Variants in ZNF439 observed in about 807,000 individuals in gnomAD.
The protein encoded by ZNF439 is zinc finger protein 439.
In ZNF439, 40 loss-of-function variants were observed where a neutral mutation model predicts 47.3. The observed-to-expected ratio is 0.85, with a 90% CI of 0.66 to 1.10. ZNF439 has a LOEUF of 1.10. Among genes scored for constraint, ZNF439 ranks in the 50% least tolerant of loss-of-function variants. ZNF439 has a pLI of 0.00. For missense variants in ZNF439, 556 were observed against 601.1 expected (o/e 0.93, Z 0.78); for synonymous variants, 171 against 198.8 (o/e 0.86, Z 1.18).
chr19:11,867,890 A>C lies in ZNF439; in HGVS notation c.836A>C (p.Glu279Ala), dbSNP rs188464095. The C allele has an allele frequency of 6.2e-6, 10 of 1,614,112 alleles. No homozygotes were observed. In the East Asian group the frequency reaches 2.2e-4, roughly 36 times the overall value. Residue 279 changes from glutamate to alanine, a missense_variant, in exon 4 of 4, where the codon GAA (glutamate) becomes GCA (alanine). Glu to Ala is a moderately radical substitution (Grantham distance 107). Coordinates refer to ENST00000682736, the MANE Select transcript of ZNF439 (RefSeq NM_001348719.2). ...GGAGAAAAGCCTTATGAATGTCAGG[A>C]ATGTGGGAAAGCATTCCATAGTCCC... Reference protein sequence around the residue: ...HIGEKPYECQECGKAFHSPRS... With the variant: ...HIGEKPYECQACGKAFHSPRS...
In ZNF439 at chr19:11,868,310, A is replaced by G. The variant is rs535025513; in HGVS notation, c.1256A>G (p.Gln419Arg). ...HTGEKPYECK[Q>R]CGKAFRSAPN... is the part of the protein sequence containing the mutation. ...GGAGAGAAACCCTATGAGTGTAAGC[A>G]ATGTGGGAAAGCCTTCAGATCTGCC... Residue 419 changes from glutamine to arginine, a missense_variant, in exon 4 of 4, where the codon CAA (glutamine) becomes CGA (arginine). Physicochemically the swap from Gln to Arg is conservative, Grantham distance 43. Transcript: ENST00000682736. 80 of 1,613,952 alleles carry G rather than the reference A, an allele frequency of 5.0e-5. 1 individual carries two copies. In the South Asian group the frequency reaches 8.3e-4, roughly 17 times the overall value.
Position 11,866,565 on chromosome 19 carries a change from A to C in ZNF439, c.219A>C (p.Glu73Asp), listed in dbSNP as rs1976689909. Reference protein sequence around the residue: ...IGKKWKDQNIEYEYQNPRRNF... With the variant: ...IGKKWKDQNIDYEYQNPRRNF... ...AAAAGTGGAAAGACCAGAACATTGA[A>C]TATGAGTACCAAAACCCCAGGAGAA... Residue 73 changes from glutamate (E) to aspartate (D), a missense_variant, in exon 3 of 4, where the codon GAA (glutamate) becomes GAC (aspartate). By Grantham distance (45) the Glu-to-Asp change is conservative. Coordinates refer to ENST00000682736, the MANE Select transcript of ZNF439 (RefSeq NM_001348719.2). The C allele has an allele frequency of 6.2e-7, 1 of 1,613,456 alleles. No homozygotes were observed. The highest frequency in any genetic ancestry group is 1.3e-5 in the African/African-American group (1 of 75,052).
chr19:11,860,597 G>A (rs117301293), intron 1 of ZNF439, among the ~76,000 whole-genome samples: 208 of 152,194 alleles, frequency 1.4e-3, no homozygotes, highest in Non-Finnish European at 2.5e-3. Flanking sequence ...AAAGGAGGAC[G>A]AACGCGGGAA....
At chr19:11,860,550 C>T (rs1171635735) in intron 1 of ZNF439, among the ~76,000 whole-genome samples, 3 of 152,144 alleles carry the variant, frequency 2.0e-5, no homozygotes, top group Non-Finnish European at 4.4e-5. Flanking sequence ...TCCCTGTTCA[C>T]GGCCGCCGCT....
chr19:11,852,117 C>T (rs1045967980), intron 1 of ZNF439, among the ~76,000 whole-genome samples: 1 of 152,098 alleles, frequency 6.6e-6, no homozygotes, highest in African/African-American at 2.4e-5. Flanking sequence ...GGAAGTTAGT[C>T]TACTACAGAG....
At position 11,868,696 on chromosome 19, in the gene ZNF439, C is replaced by A; in HGVS notation, c.*127C>A. ...AAGCCTTAATTGTTCCAGTTCCTTT[C>A]GATATCTAAAAGGACTCACAGTGGA... On this transcript the variant is annotated 3_prime_UTR_variant, in exon 4 of 4. Coordinates refer to ENST00000682736, the MANE Select transcript of ZNF439 (RefSeq NM_001348719.2). 1.9e-6 allele frequency: 2 copies of A among 1,059,640 alleles called. No individual in the cohort carries two copies. The highest frequency in any genetic ancestry group is 2.8e-6 in the Non-Finnish European group (2 of 713,472). The allele number at this position is 1,059,640 out of a possible 1,614,324, so 65.6% of individuals were successfully genotyped here.
intron 1 of ZNF439, among the ~76,000 whole-genome samples, chr19:11,860,392 G>T (rs1399865592): frequency 1.3e-5 from 2 of 151,942 alleles, no homozygotes; most frequent in East Asian, 3.9e-4. Flanking sequence ...ACCTTATATT[G>T]CTCCCAGTAC....
rs773144224 is a variant in ZNF439, at chr19:11,866,328, A to G, written c.187A>G (p.Ile63Val). The change falls in exon 2 of 4, where the codon ATA becomes GTA. Residue 63 changes from isoleucine (I) to valine (V), a missense_variant. By Grantham distance (29) the Ile-to-Val change is conservative (BLOSUM62 3). Coordinates refer to ENST00000682736, the MANE Select transcript of ZNF439 (RefSeq NM_001348719.2). ...GGAAACTTTCTGGAACCTGACCTCTATAGGTAAGGATGACAATATTCCTTC... is the reference window on the plus strand; with the variant it reads ...GGAAACTTTCTGGAACCTGACCTCTGTAGGTAAGGATGACAATATTCCTTC... ...MLETFWNLTS[I>V]GKKWKDQNIE... is the part of the protein sequence containing the mutation. The G allele has an allele frequency of 4.3e-6, 7 of 1,614,142 alleles. No homozygotes were observed. The highest frequency in any genetic ancestry group is 2.7e-5 in the African/African-American group (2 of 75,048).
chr19:11,860,490 G>A (rs1976509426), intron 1 of ZNF439, among the ~76,000 whole-genome samples: 1 of 152,136 alleles, frequency 6.6e-6, no homozygotes, highest in South Asian at 2.1e-4. Flanking sequence ...TTTGTGTGGT[G>A]AATTTCATTT....
intron 2 of ZNF439, 73 bp downstream of exon 2, chr19:11,866,404 G>T: frequency 6.2e-7 from 1 of 1,607,624 alleles, no homozygotes; most frequent in Non-Finnish European, 8.5e-7. Context: ...GCTGTTGAGT[G>T]ATTTGGAACA....
Position 11,868,215 on chromosome 19 carries a change from T to G in ZNF439, c.1161T>G (p.Tyr387Ter). 6.2e-7 allele frequency: 1 copy of G among 1,614,120 alleles called. No individual in the cohort carries two copies. Among genetic ancestry groups the G allele is most frequent in the Non-Finnish European group, 8.5e-7 (1 of 1,180,018 alleles). Residue 387 changes from tyrosine (Y) to a stop codon, truncating the protein, a stop_gained, in exon 4 of 4, where the codon TAT (tyrosine) becomes TAG (stop). Transcript: ENST00000682736. LOFTEE classifies it high-confidence loss of function. Reference protein sequence around the residue: ...HEKTHSGEKPYKCKQCGKAFT... With the variant: ...HEKTHSGEKP The stretch of plus-strand genomic sequence containing the variant: ...AAACTCACAGTGGAGAGAAACCGTA[T>G]AAATGCAAGCAATGTGGTAAAGCCT...
chr19:11,866,488 T>C, intron 2 of ZNF439, 49 bp from the exon 3 acceptor site: 1 of 1,606,240 alleles, frequency 6.2e-7, no homozygotes, highest in South Asian at 1.1e-5. Context: ...AATAATTTTT[T>C]CACAATTTTA....
intron 1 of ZNF439, among the ~76,000 whole-genome samples, chr19:11,853,577 G>C (rs1041238032): frequency 8.5e-5 from 13 of 152,224 alleles, no homozygotes; most frequent in African/African-American, 2.9e-4. Flanking sequence ...ATTGTCCTCA[G>C]TATACCTTCT....
rs373271904 is a variant in ZNF439, at chr19:11,867,400, A to T, written c.346A>T (p.Lys116Ter). ...PVPDDRLNFQ[K>*]KKASPEVKSC... ...TCCAGATGACAGGCTGAACTTCCAG[A>T]AGAAGAAAGCTTCTCCTGAAGTAAA... Residue 116 changes from lysine (K) to a stop codon, truncating the protein, a stop_gained, in exon 4 of 4, where the codon AAG (lysine) becomes TAG (stop). Transcript: ENST00000682736. LOFTEE classifies it high-confidence loss of function. The T allele has an allele frequency of 1.2e-5, 19 of 1,613,974 alleles. No individual in the cohort carries two copies. In the South Asian group the frequency reaches 2.1e-4, roughly 18 times the overall value.
At chr19:11,861,712 C>A (rs931890869) in intron 1 of ZNF439, among the ~76,000 whole-genome samples, 1 of 152,150 alleles carries the variant, frequency 6.6e-6, no homozygotes, top group Non-Finnish European at 1.5e-5. Flanking sequence ...CAGGGTGGAA[C>A]AATAGCCTGC....
intron 3 of ZNF439, among the ~76,000 whole-genome samples, chr19:11,866,903 C>G (rs199786804): frequency 1.3e-5 from 2 of 152,050 alleles, no homozygotes; most frequent in East Asian, 1.9e-4. Context: ...GGTATGCATC[C>G]GTAGTCCCAG....
intron 1 of ZNF439, among the ~76,000 whole-genome samples, chr19:11,864,447 G>A (rs1006679650): frequency 4.6e-5 from 7 of 151,912 alleles, no homozygotes; most frequent in African/African-American, 1.7e-4. Flanking sequence ...ACAGGCACTC[G>A]CTGCACGCCT....
rs138962085 is a variant in ZNF439, at chr19:11,865,363, C to T, written c.64-842C>T. On this transcript the variant is annotated intron_variant, in intron 1 of 3. Transcript: ENST00000682736. Reference sequence around the variant, plus strand: ...TAGCTACATTCTGACAGGATAACTGCAAACTGAATGATTCCTGGGCATCAT... The same window carrying T: ...TAGCTACATTCTGACAGGATAACTGTAAACTGAATGATTCCTGGGCATCAT... 2.5e-3 allele frequency among the ~76,000 whole-genome samples: 379 copies of T among 151,280 alleles called. 4 individuals carry two copies. Among genetic ancestry groups the T allele is most frequent in the African/African-American group, 8.5e-3 (350 of 41,128 alleles).
rs756941800 is a variant in ZNF439, at chr19:11,868,423, C to T, written c.1369C>T (p.Gln457Ter). ...TGGGAAAGCTTTCAGATCTGCCTCA[C>T]AACTTCGAATCCATCGTAGGATTCA... ...ECGKAFRSAS[Q>*]LRIHRRIHTG... Residue 457 changes from glutamine (Q) to a stop codon, truncating the protein, a stop_gained, in exon 4 of 4, where the codon CAA (glutamine) becomes TAA (stop). Transcript: ENST00000682736. LOFTEE classifies it high-confidence loss of function. 6.8e-6 allele frequency: 11 copies of T among 1,613,164 alleles called. No individual in the cohort carries two copies. The highest frequency in any genetic ancestry group is 9.3e-6 in the Non-Finnish European group (11 of 1,179,764).
Sources: allele counts gnomAD v4.1 joint callset (sites outside exome capture counted in the v4.1 genomes callset), GRCh38; gene constraint gnomAD v4.1.1; transcripts MANE v1.5; gene names NCBI Gene and HGNC (gene_info 2026-07-23, HGNC 2026-07-21).